The following NIT2 variants were observed in gnomAD, a reference collection of about 807,000 sequenced individuals.
The protein encoded by NIT2 is omega-amidase NIT2.
Under a neutral mutation model 42.7 loss-of-function variants are expected in NIT2, and 46 were observed. That is an observed-to-expected ratio of 1.08 (90% CI 0.85 to 1.38). The LOEUF (loss-of-function observed/expected upper bound fraction) is 1.38. Ranked by LOEUF, NIT2 falls within the 40% of genes most tolerant of loss-of-function variation. The pLI, the probability that NIT2 is intolerant of heterozygous loss-of-function variation, is 0.00. For missense variants in NIT2, 309 were observed against 342.5 expected (o/e 0.90, Z 0.77); for synonymous variants, 123 against 121.9 (o/e 1.01, Z -0.06).
At chr3:100,339,011 A>C in intron 1 of NIT2, 76 bp from the exon 2 acceptor site, 1 of 1,044,280 alleles carries the variant, frequency 9.6e-7, no homozygotes, top group Non-Finnish European at 1.5e-6. Flanking sequence ...ACTGCCTTCC[A>C]TTTGAGAACT....
At chr3:100,346,056 C>A in intron 5 of NIT2, 125 bp from the exon 6 acceptor site, 1 of 718,338 alleles carries the variant, frequency 1.4e-6, no homozygotes. Context: ...TATCTCTGTC[C>A]TCAGGTCCTG....
In NIT2 at chr3:100,340,849, T is replaced by C. The variant is rs12487113; in HGVS notation, c.248-224T>C. 7.7e-3 allele frequency among the ~76,000 whole-genome samples: 1,175 copies of C among 152,132 alleles called. 42 individuals are homozygous for C. The highest frequency in any genetic ancestry group is 0.044 in the Admixed American group (676 of 15,276). On this transcript the variant is annotated intron_variant, in intron 3 of 9. Coordinates refer to ENST00000394140, the MANE Select transcript of NIT2 (RefSeq NM_020202.5). ...TGGAGTTTATCTCTGAAAGATCATA[T>C]TCAAGAAGGAAAAAAAAAACCATGA...
At chr3:100,354,715 C>A in intron 8 of NIT2, 57 bp from the exon 9 acceptor site, 1 of 1,406,738 alleles carries the variant, frequency 7.1e-7, no homozygotes, top group Non-Finnish European at 9.9e-7. Context: ...AAAACAGAGA[C>A]CTTGAATATC....
chr3:100,350,766 T>TATACATGGC (rs1706264783), intron 7 of NIT2, among the ~76,000 whole-genome samples: 1 of 152,178 alleles, frequency 6.6e-6, no homozygotes, highest in Non-Finnish European at 1.5e-5. Flanking sequence ...GCAGGTTAGT[T>TATACATGGC]ACATATGTAT....
In NIT2 at chr3:100,355,188, C is replaced by G. The variant is rs746978832; in HGVS notation, c.751C>G (p.Leu251Val). Residue 251 changes from leucine (L) to valine (V), a missense_variant, in exon 10 of 10, where the codon CTG becomes GTG. Coordinates refer to ENST00000394140, the MANE Select transcript of NIT2 (RefSeq NM_020202.5). ...IVYSDIDLKK[L>V]AEIRQQIPVF... ...CCTGTTTTTTGCAGACCTGAAGAAGCTGGCTGAAATACGCCAGCAAATCCC... is the reference window on the plus strand; with the variant it reads ...CCTGTTTTTTGCAGACCTGAAGAAGGTGGCTGAAATACGCCAGCAAATCCC... 9 of 1,614,002 alleles carry G rather than the reference C, an allele frequency of 5.6e-6. No homozygotes were observed. The South Asian group carries it at 8.8e-5, about 16-fold the overall frequency.
rs530039840 is a variant in NIT2, at chr3:100,359,069, A to C, written c.*3801A>C. ...GAATGAAGTTCGGAGACTAAGAAAA[A>C]GCCAGCTGTTGGAATAGAAAGCACT... On this transcript the variant is annotated 3_prime_UTR_variant, in exon 10 of 10. Transcript: ENST00000394140. The C allele has an allele frequency of 6.6e-6, 1 of 152,330 alleles. No individual in the cohort carries two copies. The highest frequency in any genetic ancestry group is 2.1e-4 in the South Asian group (1 of 4,826). The allele number at this position is 152,330 out of a possible 1,614,324, so 9.4% of individuals were successfully genotyped here.
chr3:100,352,435 G>C lies in NIT2; in HGVS notation c.616G>C (p.Ala206Pro), dbSNP rs747218530. The C allele has an allele frequency of 1.2e-6, 2 of 1,613,384 alleles. No homozygotes were observed. The highest frequency in any genetic ancestry group is 1.1e-5 in the South Asian group (1 of 91,068). ...AVDNQVYVATASPARDDKASY... is the reference protein window; with the variant it reads ...AVDNQVYVATPSPARDDKASY... ...TGATAATCAGGTGTATGTGGCCACA[G>C]CCTCTCCTGCCCGGGATGACAAAGC... Residue 206 changes from alanine (A) to proline (P), a missense_variant, in exon 8 of 10, where the codon GCC (alanine) becomes CCC (proline). Transcript: ENST00000394140.
Position 100,358,377 on chromosome 3 carries a change from C to A in NIT2, c.*3109C>A, listed in dbSNP as rs144486296. Reference sequence around the variant, plus strand: ...TTAACTGCCATACCCCTGTACTCCCCGACTTTCTAATGAATTAGACAATGA... The same window carrying A: ...TTAACTGCCATACCCCTGTACTCCCAGACTTTCTAATGAATTAGACAATGA... On this transcript the variant is annotated 3_prime_UTR_variant, in exon 10 of 10. Coordinates refer to ENST00000394140, the MANE Select transcript of NIT2 (RefSeq NM_020202.5). 6.6e-6 allele frequency: 1 copy of A among 152,158 alleles called. No homozygotes were observed. The highest frequency in any genetic ancestry group is 1.9e-4 in the East Asian group (1 of 5,188). 9.4% of individuals were successfully genotyped at this position (152,158 alleles called of 1,614,324 possible). A position where few individuals can be genotyped will look rare whatever the true frequency, so the allele number is the denominator to read the frequency against.
chr3:100,341,027 T>C (rs1349257291), intron 3 of NIT2, 46 bp from the exon 4 acceptor site: 4 of 1,300,670 alleles, frequency 3.1e-6, no homozygotes, highest in Non-Finnish European at 4.5e-6. Flanking sequence ...CACAAAAGAA[T>C]TGCTCTATTC....
intron 4 of NIT2, among the ~76,000 whole-genome samples, chr3:100,343,073 G>C (rs1706173618): frequency 6.7e-6 from 1 of 150,082 alleles, no homozygotes; most frequent in East Asian, 1.9e-4. Context: ...CTTCCCTGAT[G>C]AGAAGTGAGT....
At chr3:100,351,072 T>A (rs910744315) in intron 7 of NIT2, among the ~76,000 whole-genome samples, 1 of 152,168 alleles carries the variant, frequency 6.6e-6, no homozygotes, top group African/African-American at 2.4e-5. Context: ...TTCCATGGTG[T>A]ATATGTGCCA....
chr3:100,344,801 A>G (rs1209925701), intron 4 of NIT2, among the ~76,000 whole-genome samples: 1 of 151,738 alleles, frequency 6.6e-6, no homozygotes, highest in Non-Finnish European at 1.5e-5. Context: ...ATGCACCACC[A>G]TGTCTGGCAA....
rs755672745 is a variant in NIT2, at chr3:100,346,245, C to T, written c.495C>T (p.Tyr165=). The T allele has an allele frequency of 2.0e-5, 32 of 1,613,818 alleles. No homozygotes were observed. Among genetic ancestry groups the T allele is most frequent in the East Asian group, 6.7e-5 (3 of 44,878 alleles). ...DMRFAELAQI[Y]AQRGCQLLVY... is the part of the protein sequence containing the mutation. Reference sequence around the variant, plus strand: ...GGTTTGCAGAGCTTGCACAAATCTACGCACAGAGAGGTGAGGCAGTGTAAT... The same window carrying T: ...GGTTTGCAGAGCTTGCACAAATCTATGCACAGAGAGGTGAGGCAGTGTAAT... Residue 165 remains tyrosine (Y), a synonymous_variant, in exon 6 of 10, where the codon TAC becomes TAT. Transcript: ENST00000394140.
At position 100,341,177 on chromosome 3, in the gene NIT2, G is replaced by A; in HGVS notation, c.336+16G>A. 6.3e-7 allele frequency: 1 copy of A among 1,584,892 alleles called. No homozygotes were observed. Among genetic ancestry groups the A allele is most frequent in the Non-Finnish European group, 8.7e-7 (1 of 1,153,636 alleles). On this transcript the variant is annotated intron_variant, in intron 4 of 9. Coordinates refer to ENST00000394140, the MANE Select transcript of NIT2 (RefSeq NM_020202.5). Reference sequence around the variant, plus strand: ...GTATAGAAAGGTAAGTAGGAAGTGTGGCATAAGAATTTGTTATCTCTAAGC... The same window carrying A: ...GTATAGAAAGGTAAGTAGGAAGTGTAGCATAAGAATTTGTTATCTCTAAGC...
intron 6 of NIT2, among the ~76,000 whole-genome samples, chr3:100,348,038 T>C (rs1706235880): frequency 6.6e-6 from 1 of 152,018 alleles, no homozygotes; most frequent in Non-Finnish European, 1.5e-5. Context: ...TTATAGGCGC[T>C]CGCCACCACG....
At chr3:100,335,190 GTTC>G (rs1706054686) in intron 1 of NIT2, 3 of 203,788 alleles carry the variant, frequency 1.5e-5, no homozygotes, top group South Asian at 5.4e-5. Flanking sequence ...TGCCCAGGCG[GTTC>G]TTCGTCTCCC....
At chr3:100,344,624 T>C (rs1372632298) in intron 4 of NIT2, among the ~76,000 whole-genome samples, 1 of 152,222 alleles carries the variant, frequency 6.6e-6, no homozygotes, top group Non-Finnish European at 1.5e-5. Context: ...TTGGTGTTTT[T>C]AGATGCTCTT....
chr3:100,339,162 T>C lies in NIT2; in HGVS notation c.83T>C (p.Ile28Thr), dbSNP rs1706114236. The C allele has an allele frequency of 3.1e-6, 5 of 1,614,056 alleles. No individual in the cohort carries two copies. The highest frequency in any genetic ancestry group is 4.2e-6 in the Non-Finnish European group (5 of 1,179,994). ...AACGTCACTCGCGCTTGTAGCTTCA[T>C]CCGGGAGGCAGCAACGCAAGGAGCC... ...SDNVTRACSF[I>T]REAATQGAKI... The change falls in exon 2 of 10, where the codon ATC (isoleucine) becomes ACC (threonine). Residue 28 changes from isoleucine (I) to threonine (T), a missense_variant. Physicochemically the swap from Ile to Thr is moderately conservative, Grantham distance 89. Transcript: ENST00000394140.
intron 9 of NIT2, 52 bp downstream of exon 9, chr3:100,354,879 G>A (rs546520289): frequency 6.8e-7 from 1 of 1,470,698 alleles, no homozygotes; most frequent in Admixed American, 1.8e-5. Context: ...ATTGTTCTGA[G>A]GCCAGACTCC....
Sources: allele counts gnomAD v4.1 joint callset (sites outside exome capture counted in the v4.1 genomes callset), GRCh38; gene constraint gnomAD v4.1.1; transcripts MANE v1.5; gene names NCBI Gene and HGNC (gene_info 2026-07-23, HGNC 2026-07-21).